The following TNFRSF10A variants were observed in gnomAD, a reference collection of about 807,000 sequenced individuals.
The protein encoded by TNFRSF10A is tumor necrosis factor receptor superfamily member 10A.
A neutral mutation model predicts 42.8 loss-of-function variants in TNFRSF10A; 44 were observed. The ratio of observed to expected loss-of-function variants is 1.03; its 90% CI spans 0.81 to 1.32. The LOEUF is 1.32. Ranked by LOEUF, TNFRSF10A falls within the 40% of genes most tolerant of loss-of-function variation. TNFRSF10A has a pLI of 0.00. For missense variants in TNFRSF10A, 680 were observed against 602.0 expected, an observed-to-expected ratio of 1.13 and a Z score of -1.36; for synonymous variants, 259 against 234.2, an observed-to-expected ratio of 1.11 and a Z score of -0.97.
At position 23,200,087 on chromosome 8, in the gene TNFRSF10A, G is replaced by T. The variant is rs534775395; in HGVS notation, c.800-170C>A. On this transcript the variant is annotated intron_variant, in intron 6 of 9. Transcript: ENST00000221132. Reference sequence around the variant, plus strand: ...TAACTCGGGAGATCCTTCAGGAGCGGGGAGCATAAAGGGAAGTAGGCTAAA... The same window carrying T: ...TAACTCGGGAGATCCTTCAGGAGCGTGGAGCATAAAGGGAAGTAGGCTAAA... 2.6e-5 allele frequency among the ~76,000 whole-genome samples: 4 copies of T among 152,270 alleles called. No homozygotes were observed. In the East Asian group the frequency reaches 7.7e-4, roughly 29 times the overall value.
At chr8:23,207,032 A>C in intron 2 of TNFRSF10A, 1 of 433,322 alleles carries the variant, frequency 2.3e-6, no homozygotes, top group Non-Finnish European at 4.4e-6. Context: ...GAAAAAAAGA[A>C]TATCCATACA....
chr8:23,198,724 G>A (rs1027050510), intron 8 of TNFRSF10A, among the ~76,000 whole-genome samples: 2 of 152,146 alleles, frequency 1.3e-5, no homozygotes, highest in East Asian at 3.9e-4. Flanking sequence ...TGTATGTGTG[G>A]GTACGTGCAT....
chr8:23,224,663 G>C, intron 1 of TNFRSF10A, 93 bp downstream of exon 1: 1 of 1,440,882 alleles, frequency 6.9e-7, no homozygotes, highest in East Asian at 2.6e-5. Context: ...CAAGTGACCC[G>C]GGCCAGGCAC....
At chr8:23,210,236 C>T (rs763741330) in intron 2 of TNFRSF10A, among the ~76,000 whole-genome samples, 8 of 152,136 alleles carry the variant, frequency 5.3e-5, no homozygotes, top group Non-Finnish European at 1.2e-4. Flanking sequence ...ATGTCTTTAT[C>T]AGCACCATAT....
At chr8:23,197,096 C>T (rs1315207971) in intron 9 of TNFRSF10A, 36 bp downstream of exon 9, 2 of 1,613,874 alleles carry the variant, frequency 1.2e-6, no homozygotes, top group Non-Finnish European at 1.7e-6. Flanking sequence ...CCTATTCCCA[C>T]CATTTCTGCT....
In TNFRSF10A at chr8:23,224,986, C is replaced by A; in HGVS notation, c.76G>T (p.Gly26Trp). The change falls in exon 1 of 10, where the codon GGG becomes TGG. Residue 26 changes from glycine (G) to tryptophan (W), a missense_variant. Transcript: ENST00000221132. ...GGTGTGGCCGCGGCTGCCTCTGTCC[C>A]ACTCGCTGCGCTCCCGGGATTCGGA... Reference protein sequence around the residue: ...VTPNPGSAASGTEAAAATPSK... With the variant: ...VTPNPGSAASWTEAAAATPSK... The A allele has an allele frequency of 6.3e-7, 1 of 1,594,102 alleles. No individual in the cohort carries two copies. The highest frequency in any genetic ancestry group is 1.1e-5 in the South Asian group (1 of 88,892).
At chr8:23,218,664 A>G (rs1279880690) in intron 1 of TNFRSF10A, among the ~76,000 whole-genome samples, 1 of 152,114 alleles carries the variant, frequency 6.6e-6, no homozygotes, top group African/African-American at 2.4e-5. Context: ...GCAGTGACCC[A>G]GCGCTGGGTG....
chr8:23,204,239 A>G (rs1161539276), intron 2 of TNFRSF10A, among the ~76,000 whole-genome samples: 1 of 152,192 alleles, frequency 6.6e-6, no homozygotes, highest in African/African-American at 2.4e-5. Flanking sequence ...AGGTCTATCA[A>G]GGTGTCAACT....
chr8:23,200,640 G>A (rs1204462364), intron 5 of TNFRSF10A, 40 bp from the exon 6 acceptor site: 2 of 1,613,818 alleles, frequency 1.2e-6, no homozygotes, highest in African/African-American at 2.7e-5. Context: ...TCGGGCTGCT[G>A]GTCCCTGTCT....
chr8:23,212,944 A>T (rs1446711122), intron 1 of TNFRSF10A, among the ~76,000 whole-genome samples: 7 of 152,058 alleles, frequency 4.6e-5, no homozygotes, highest in Non-Finnish European at 1.0e-4. Context: ...GTTCCCTCCA[A>T]CTCAGTTTCT....
intron 1 of TNFRSF10A, among the ~76,000 whole-genome samples, chr8:23,219,785 T>C (rs1234892225): frequency 6.6e-6 from 1 of 152,166 alleles, no homozygotes; most frequent in Non-Finnish European, 1.5e-5. Context: ...ACAGCAGACA[T>C]GGGGGCGAGG....
intron 8 of TNFRSF10A, 81 bp downstream of exon 8, chr8:23,199,185 C>T (rs1800869290): frequency 6.5e-7 from 1 of 1,535,198 alleles, no homozygotes. Context: ...TCAGGCTCCA[C>T]TTCCCCTTTG....
intron 1 of TNFRSF10A, chr8:23,224,460 CG>C (rs1001958467): frequency 3.1e-5 from 14 of 444,596 alleles, no homozygotes; most frequent in Admixed American, 8.2e-5. Context: ...CGAAACTTCC[CG>C]ATACATCGTG....
chr8:23,199,592 G>A, intron 7 of TNFRSF10A, 144 bp from the exon 8 acceptor site: 1 of 1,076,086 alleles, frequency 9.3e-7, no homozygotes, highest in Non-Finnish European at 1.3e-6. Context: ...AGGACCTGCT[G>A]CTGGGGCCAG....
At chr8:23,198,988 C>T (rs932581641) in intron 8 of TNFRSF10A, among the ~76,000 whole-genome samples, 3 of 152,202 alleles carry the variant, frequency 2.0e-5, no homozygotes, top group Admixed American at 6.5e-5. Flanking sequence ...CAGTGGAGAC[C>T]GTGCAGCCTT....
At chr8:23,212,025 GT>G in intron 2 of TNFRSF10A, 90 bp downstream of exon 2, 1 of 1,158,522 alleles carries the variant, frequency 8.6e-7, no homozygotes, top group African/African-American at 1.5e-5. Flanking sequence ...GAAAAGGAAT[GT>G]TATTGATGAA....
intron 1 of TNFRSF10A, among the ~76,000 whole-genome samples, chr8:23,222,660 C>T (rs1460526486): frequency 1.3e-5 from 2 of 152,162 alleles, no homozygotes; most frequent in Non-Finnish European, 2.9e-5. Context: ...GTGTCTGCTA[C>T]GGGTCCTTTG....
chr8:23,223,093 T>C (rs965684101), intron 1 of TNFRSF10A, among the ~76,000 whole-genome samples: 1 of 152,082 alleles, frequency 6.6e-6, no homozygotes, highest in Non-Finnish European at 1.5e-5. Flanking sequence ...CGAAACGGAG[T>C]CTCCCTCTGT....
intron 9 of TNFRSF10A, among the ~76,000 whole-genome samples, chr8:23,194,819 TC>T (rs1283276959): frequency 4.6e-5 from 7 of 152,218 alleles, no homozygotes; most frequent in Non-Finnish European, 4.4e-5. Context: ...AAAATTGTTG[TC>T]ATTGGATTAC....
Sources: gnomAD v4.1 joint callset for allele counts (sites outside exome capture counted in the v4.1 genomes callset) on GRCh38, gnomAD v4.1.1 for gene constraint, MANE v1.5 for transcripts, NCBI Gene and HGNC (gene_info 2026-07-23, HGNC 2026-07-21) for gene names.